The following IL1RAP variants were observed in gnomAD, a reference collection of about 807,000 sequenced individuals.
IL1RAP encodes interleukin 1 receptor accessory protein.
IL1RAP carries 35 observed loss-of-function variants against 60.7 expected under a neutral mutation model. That is an observed-to-expected ratio of 0.58 (90% CI 0.44 to 0.76). The LOEUF is 0.76. Ranked by LOEUF, IL1RAP falls within the 30% of genes least tolerant of loss-of-function variation. The pLI, the probability that IL1RAP is intolerant of heterozygous loss-of-function variation, is 0.00. For synonymous variants in IL1RAP, 268 were observed against 250.9 expected (o/e 1.07, Z -0.64); for missense variants, 572 against 693.9 (o/e 0.82, Z 1.97).
chr3:190,514,551 C>T (rs906908284), intron 1 of IL1RAP, among the ~76,000 whole-genome samples: 3 of 151,578 alleles, frequency 2.0e-5, no homozygotes, highest in Non-Finnish European at 4.4e-5. Flanking sequence ...CCACCCCCCG[C>T]CCCCATCTCC....
intron 3 of IL1RAP, among the ~76,000 whole-genome samples, chr3:190,568,502 A>G (rs931096346): frequency 6.6e-6 from 1 of 152,218 alleles, no homozygotes; most frequent in African/African-American, 2.4e-5. Flanking sequence ...AATGGAAATC[A>G]TCTATCCAAT....
intron 1 of IL1RAP, among the ~76,000 whole-genome samples, chr3:190,527,702 TTGC>T (rs1722630823): frequency 1.4e-5 from 2 of 145,760 alleles, no homozygotes; most frequent in East Asian, 1.9e-4. Context: ...TTTTTTTTTT[TTGC>T]TTTTGGTCTT....
chr3:190,656,097 T>C (rs1028139362), downstream of IL1RAP: 13 of 1,537,216 alleles, frequency 8.5e-6, no homozygotes, highest in Non-Finnish European at 1.0e-5. Flanking sequence ...TCAAAGAGTC[T>C]GTGTCTTTTG....
Position 190,604,133 on chromosome 3 carries a change from T to G in IL1RAP, c.70T>G (p.Cys24Gly). Residue 24 changes from cysteine (C) to glycine (G), a missense_variant, in exon 4 of 12, where the codon TGC (cysteine) becomes GGC (glycine). Transcript: ENST00000447382. ...GILQSDASERCDDWGLDTMRQ... is the reference protein window; with the variant it reads ...GILQSDASERGDDWGLDTMRQ... ...TTCTTTTTTGATTATTCCAGAACGC[T>G]GCGATGACTGGGGACTAGACACCAT... 6.2e-7 allele frequency: 1 copy of G among 1,613,756 alleles called. No individual in the cohort carries two copies. The highest frequency in any genetic ancestry group is 8.5e-7 in the Non-Finnish European group (1 of 1,179,852).
chr3:190,579,174 G>A (rs773172341), intron 3 of IL1RAP, among the ~76,000 whole-genome samples: 15 of 152,224 alleles, frequency 9.9e-5, no homozygotes, highest in Admixed American at 3.3e-4. Context: ...CAACATTTCC[G>A]TATCTGTAGG....
intron 1 of IL1RAP, among the ~76,000 whole-genome samples, chr3:190,555,145 G>A (rs1725293442): frequency 6.6e-6 from 1 of 152,124 alleles, no homozygotes; most frequent in Admixed American, 6.5e-5. Context: ...TTTCTATGCT[G>A]GGAAAAGTAA....
intron 1 of IL1RAP, among the ~76,000 whole-genome samples, chr3:190,540,526 A>G (rs1177838668): frequency 2.0e-4 from 30 of 150,166 alleles, no homozygotes; most frequent in Admixed American, 1.9e-3. Context: ...ATTATTTTAA[A>G]CTTTGTATTT....
At chr3:190,580,954 T>C (rs959126575) in intron 3 of IL1RAP, among the ~76,000 whole-genome samples, 1 of 152,206 alleles carries the variant, frequency 6.6e-6, no homozygotes, top group Non-Finnish European at 1.5e-5. Context: ...ACATCAAATA[T>C]ATACAGCTTT....
At chr3:190,546,020 G>A (rs1724338870) in intron 1 of IL1RAP, among the ~76,000 whole-genome samples, 1 of 152,050 alleles carries the variant, frequency 6.6e-6, no homozygotes, top group Non-Finnish European at 1.5e-5. Context: ...ATGACCTATC[G>A]ATGCCTGTAG....
chr3:190,514,337 G>A (rs1045406171), intron 1 of IL1RAP, 118 bp downstream of exon 1: 15 of 152,384 alleles, frequency 9.8e-5, no homozygotes, highest in African/African-American at 3.6e-4. Context: ...GGAAACTGAG[G>A]CACAGAACGA....
At chr3:190,532,510 C>T (rs1480300575) in intron 1 of IL1RAP, among the ~76,000 whole-genome samples, 1 of 152,144 alleles carries the variant, frequency 6.6e-6, no homozygotes, top group Non-Finnish European at 1.5e-5. Context: ...GATCTGCCCG[C>T]CTCGGCCTCC....
intron 5 of IL1RAP, among the ~76,000 whole-genome samples, chr3:190,619,333 G>A (rs1352525086): frequency 6.6e-6 from 1 of 152,142 alleles, no homozygotes; most frequent in Admixed American, 6.6e-5. Flanking sequence ...AATGTCAACA[G>A]TTATATGCAA....
At chr3:190,571,218 A>G (rs1320870237) in intron 3 of IL1RAP, among the ~76,000 whole-genome samples, 1 of 152,166 alleles carries the variant, frequency 6.6e-6, no homozygotes, top group Non-Finnish European at 1.5e-5. Flanking sequence ...TTGCATAAGA[A>G]GTATAACTAT....
intron 8 of IL1RAP, 35 bp from the exon 9 acceptor site, chr3:190,629,315 C>A: frequency 6.7e-7 from 1 of 1,495,378 alleles, no homozygotes; most frequent in South Asian, 1.2e-5. Flanking sequence ...TTGAGTCACT[C>A]TCAAATGCTT....
intron 10 of IL1RAP, among the ~76,000 whole-genome samples, chr3:190,645,025 A>G (rs1733916156): frequency 2.0e-5 from 3 of 152,200 alleles, no homozygotes; most frequent in Admixed American, 1.3e-4. Flanking sequence ...CTGACTCAGA[A>G]TCTACATTTA....
At chr3:190,608,642 T>C (rs1730559018) in intron 4 of IL1RAP, among the ~76,000 whole-genome samples, 1 of 150,624 alleles carries the variant, frequency 6.6e-6, no homozygotes, top group Non-Finnish European at 1.5e-5. Flanking sequence ...ATAGAAATTC[T>C]TGAGCTCTAT....
intron 1 of IL1RAP, among the ~76,000 whole-genome samples, chr3:190,532,623 A>T (rs140073313): frequency 7.9e-5 from 12 of 152,276 alleles, no homozygotes; most frequent in African/African-American, 2.9e-4. Flanking sequence ...AGTAGCTTGT[A>T]CAGCTGTGGA....
At chr3:190,659,372 T>C (rs1293050969) in exon 12 of IL1RAP, 15 of 152,160 alleles carry the variant, frequency 9.9e-5, no homozygotes, top group Non-Finnish European at 2.2e-4. Context: ...AGTCTTAGTT[T>C]TCAGTATTAG....
chr3:190,573,012 C>T (rs1727110834), intron 3 of IL1RAP, among the ~76,000 whole-genome samples: 1 of 93,930 alleles, frequency 1.1e-5, no homozygotes, highest in Non-Finnish European at 2.3e-5. Context: ...TACAGGCGCC[C>T]GCCACCACGC....
Sources: gnomAD v4.1 joint callset for allele counts (sites outside exome capture counted in the v4.1 genomes callset) on GRCh38, gnomAD v4.1.1 for gene constraint, MANE v1.5 for transcripts, NCBI Gene and HGNC (gene_info 2026-07-23, HGNC 2026-07-21) for gene names.